The following AGBL1 variants were observed in gnomAD, a reference collection of about 807,000 sequenced individuals.
The protein encoded by AGBL1 is AGBL carboxypeptidase 1, also known as cytosolic carboxypeptidase 4.
In AGBL1, 130 loss-of-function variants were observed where a neutral mutation model predicts 118.9. That is an observed-to-expected ratio of 1.09 (90% CI 0.95 to 1.26). The LOEUF (loss-of-function observed/expected upper bound fraction) is 1.26, where lower values mean the gene tolerates loss of function less well. Among genes scored for constraint, AGBL1 ranks in the 50% most tolerant of loss-of-function variants. The pLI, the probability that AGBL1 is intolerant of heterozygous loss-of-function variation, is 0.00. For missense variants in AGBL1, 1,584 were observed against 1,298.1 expected (o/e 1.22, Z -3.38); for synonymous variants, 555 against 478.9 (o/e 1.16, Z -2.08).
At chr15:86,139,810 CCCACCT>C (rs1223147516) in intron 1 of AGBL1, 1 of 154,452 alleles carries the variant, frequency 6.5e-6, no homozygotes, top group Non-Finnish European at 1.4e-5. Flanking sequence ...TTAAGTGGGG[CCCACCT>C]GGGTGAGAGG....
intron 22 of AGBL1, among the ~76,000 whole-genome samples, chr15:86,754,916 T>C (rs1292851726): frequency 6.6e-6 from 1 of 152,050 alleles, no homozygotes; most frequent in Non-Finnish European, 1.5e-5. Flanking sequence ...CTCATATCCA[T>C]CCTTTGCTTT....
intron 24 of AGBL1, among the ~76,000 whole-genome samples, chr15:86,999,715 G>A (rs926723252): frequency 2.6e-5 from 4 of 151,434 alleles, no homozygotes; most frequent in African/African-American, 9.7e-5. Context: ...ACAGCAGCAT[G>A]ATTTATAGTC....
chr15:86,679,312 CTT>C (rs1445626861), intron 22 of AGBL1, among the ~76,000 whole-genome samples: 1 of 152,000 alleles, frequency 6.6e-6, no homozygotes, highest in African/African-American at 2.4e-5. Context: ...TCATCATAAA[CTT>C]TTAATCTCAA....
intron 17 of AGBL1, among the ~76,000 whole-genome samples, chr15:86,340,716 G>C (rs947257565): frequency 2.0e-5 from 3 of 152,180 alleles, no homozygotes; most frequent in Admixed American, 1.3e-4. Context: ...AAACAAAGTG[G>C]CTTCCTCTAT....
intron 23 of AGBL1, among the ~76,000 whole-genome samples, chr15:86,937,130 A>G (rs2080686076): frequency 6.6e-6 from 1 of 152,226 alleles, no homozygotes; most frequent in African/African-American, 2.4e-5. Context: ...TAAGAATGCT[A>G]TTATGAAAAA....
intron 17 of AGBL1, among the ~76,000 whole-genome samples, chr15:86,337,164 C>T (rs570581821): frequency 6.6e-6 from 1 of 152,300 alleles, no homozygotes; most frequent in Non-Finnish European, 1.5e-5. Flanking sequence ...ATAATGTGCA[C>T]AGAATTACAC....
Position 87,021,109 on chromosome 15 carries a change from C to CCAAA in AGBL1, c.3324-7713_3324-7710dup, listed in dbSNP as rs568193542. ...ACCTGGCTTCAAACTATGCTACAAA[C>CCAAA]CAAACAGTAACCAAAACAGCATGGT... On this transcript the variant is annotated intron_variant, in intron 24 of 24. Coordinates refer to the AGBL1 transcript ENST00000441037. Among the ~76,000 whole-genome samples, 9 of 152,108 alleles carry CCAAA rather than the reference C, an allele frequency of 5.9e-5. No homozygotes were observed. In the East Asian group the frequency reaches 1.5e-3, roughly 26 times the overall value.
At chr15:86,717,734 T>G (rs941841238) in intron 22 of AGBL1, among the ~76,000 whole-genome samples, 1 of 152,020 alleles carries the variant, frequency 6.6e-6, no homozygotes, top group Non-Finnish European at 1.5e-5. Context: ...CCCAGAAAAA[T>G]GGGATTATAG....
At chr15:86,333,438 T>A (rs915189688) in intron 17 of AGBL1, among the ~76,000 whole-genome samples, 1 of 152,030 alleles carries the variant, frequency 6.6e-6, no homozygotes, top group Non-Finnish European at 1.5e-5. Flanking sequence ...CTAGAAAAAA[T>A]TGGATAAATT....
At chr15:86,213,832 A>T (rs561331564) in intron 5 of AGBL1, among the ~76,000 whole-genome samples, 1 of 152,172 alleles carries the variant, frequency 6.6e-6, no homozygotes, top group Non-Finnish European at 1.5e-5. Flanking sequence ...TACTCACAAT[A>T]TTGTAGAACT....
chr15:86,082,456 C>T (rs957383328), intron 1 of AGBL1, among the ~76,000 whole-genome samples: 2 of 152,162 alleles, frequency 1.3e-5, no homozygotes, highest in Admixed American at 1.3e-4. Flanking sequence ...GGTCTCAGTT[C>T]CCATGTCTTT....
intron 18 of AGBL1, among the ~76,000 whole-genome samples, chr15:86,452,900 C>A (rs2082213518): frequency 6.6e-6 from 1 of 152,144 alleles, no homozygotes. Flanking sequence ...ATTGCTCTTT[C>A]CCCTGGTATG....
chr15:86,917,537 A>G (rs1015724963), downstream of AGBL1, among the ~76,000 whole-genome samples: 1 of 152,234 alleles, frequency 6.6e-6, no homozygotes, highest in Admixed American at 6.5e-5. This position sits in a 1 kb window ranked among gnomAD's most constrained non-coding sequence, Gnocchi z 4.8. Context: ...GACAGACAGC[A>G]GTGACCTAGC....
intron 22 of AGBL1, among the ~76,000 whole-genome samples, chr15:86,806,474 G>A (rs1018694931): frequency 6.6e-6 from 1 of 152,162 alleles, no homozygotes; most frequent in Non-Finnish European, 1.5e-5. Flanking sequence ...AATCTCAGGA[G>A]ATGGACCTCA....
At chr15:86,741,320 A>T (rs2077674401) in intron 22 of AGBL1, among the ~76,000 whole-genome samples, 1 of 146,844 alleles carries the variant, frequency 6.8e-6, no homozygotes, top group Admixed American at 7.0e-5. Flanking sequence ...AATGAGGGGC[A>T]GAAACACTGA....
At chr15:86,756,382 G>T (rs181485852) in intron 22 of AGBL1, among the ~76,000 whole-genome samples, 1 of 152,024 alleles carries the variant, frequency 6.6e-6, no homozygotes, top group East Asian at 1.9e-4. Context: ...GAACTACCAT[G>T]TGCTGGGGAT....
rs186933379 is a variant in AGBL1 at position 86,545,563 on chromosome 15, C to T, written c.2686-439C>T. Among the ~76,000 whole-genome samples the T allele has an allele frequency of 1.2e-4, 19 of 152,206 alleles. No individual in the cohort carries two copies. In the East Asian group the frequency reaches 3.3e-3, roughly 26 times the overall value. On this transcript the variant is annotated intron_variant, in intron 19 of 22. Transcript: ENST00000614907. ...CCTCTCCCTTCTCCCACTCTCCACA[C>T]TCTGAAATGCCCCAGCGTGTGTGTT...
chr15:86,775,553 C>T (rs745895240), intron 22 of AGBL1, among the ~76,000 whole-genome samples: 1 of 152,098 alleles, frequency 6.6e-6, no homozygotes, highest in Non-Finnish European at 1.5e-5. Flanking sequence ...ATATCTCATA[C>T]TCTCTGAAGA....
In AGBL1 at chr15:86,574,790, C is replaced by G. The variant is rs574937869; in HGVS notation, c.2994+20253C>G. Among the ~76,000 whole-genome samples the G allele has an allele frequency of 1.5e-3, 223 of 150,214 alleles. 1 individual carries two copies. The highest frequency in any genetic ancestry group is 5.2e-3 in the African/African-American group (213 of 41,106). ...ACGGGGTTTCACCATGTTGGCCAGG[C>G]TGGTCTCGAACTCCTGACCTCAAGT... On this transcript the variant is annotated intron_variant, in intron 21 of 22. Coordinates refer to ENST00000614907, the MANE Select transcript of AGBL1 (RefSeq NM_001386094.1).
Sources: gnomAD v4.1 joint callset for allele counts (sites outside exome capture counted in the v4.1 genomes callset) on GRCh38, gnomAD v4.1.1 for gene constraint, Gnocchi (gnomAD v3.1) non-coding constraint, MANE v1.5 for transcripts, NCBI Gene and HGNC (gene_info 2026-07-23, HGNC 2026-07-21) for gene names.